Variants in LPCAT3 observed in about 807,000 individuals in gnomAD.
LPCAT3 encodes the protein lysophospholipid acyltransferase 5.
Under a neutral mutation model 63.4 loss-of-function variants are expected in LPCAT3, and 21 were observed. The observed-to-expected ratio is 0.33, with a 90% CI of 0.23 to 0.48. LPCAT3 has a LOEUF of 0.48. Among genes scored for constraint, LPCAT3 ranks in the 20% least tolerant of loss-of-function variants. LPCAT3 has a pLI of 0.99. For synonymous variants in LPCAT3, 242 were observed against 227.5 expected (o/e 1.06, Z -0.58); for missense variants, 451 against 590.6 (o/e 0.76, Z 2.45).
chr12:6,993,345 A>G (rs113783048), intron 1 of LPCAT3, among the ~76,000 whole-genome samples: 10,206 of 151,930 alleles, frequency 0.067, 434 homozygotes, highest in African/African-American at 0.098. Flanking sequence ...GAGGGAGGAG[A>G]ATTGCTTGAA....
chr12:7,012,207 A>G (rs1946768043), intron 1 of LPCAT3, among the ~76,000 whole-genome samples: 1 of 152,232 alleles, frequency 6.6e-6, no homozygotes. Context: ...CCATTTGGCC[A>G]GCTCTAGCTT....
At chr12:7,002,845 C>T (rs1447073493) in intron 1 of LPCAT3, among the ~76,000 whole-genome samples, 4 of 152,090 alleles carry the variant, frequency 2.6e-5, no homozygotes, top group African/African-American at 9.7e-5. Context: ...CCCATCTCTA[C>T]TAAAAATACA....
At chr12:6,978,182 G>T in intron 9 of LPCAT3, 159 bp downstream of exon 9, 1 of 805,742 alleles carries the variant, frequency 1.2e-6, no homozygotes, top group Non-Finnish European at 2.0e-6. Flanking sequence ...GTTTTTTTGG[G>T]AGGGGGGTAT....
At position 6,981,595 on chromosome 12, in the gene LPCAT3, C is replaced by G; in HGVS notation, c.498G>C (p.Gln166His). 1 of 1,614,010 alleles carries G rather than the reference C, an allele frequency of 6.2e-7. No homozygotes were observed. The highest frequency in any genetic ancestry group is 8.5e-7 in the Non-Finnish European group (1 of 1,179,956). Residue 166 changes from glutamine to histidine, a missense_variant and splice_region_variant, in exon 5 of 13, where the codon CAG becomes CAC. Physicochemically the swap from Gln to His is conservative, Grantham distance 24. Coordinates refer to ENST00000261407, the MANE Select transcript of LPCAT3 (RefSeq NM_005768.6). ...AVDYFDGGKD[Q>H]NSLSSEQQKY... ...TCTCTGCCGATGAATGGGTACTTACCTGATCTTTCCCTCCGTCAAAGTAGT... is the reference window on the plus strand; with the variant it reads ...TCTCTGCCGATGAATGGGTACTTACGTGATCTTTCCCTCCGTCAAAGTAGT...
chr12:6,999,517 G>A (rs1190205079), intron 1 of LPCAT3, among the ~76,000 whole-genome samples: 1 of 152,208 alleles, frequency 6.6e-6, no homozygotes, highest in East Asian at 1.9e-4. Flanking sequence ...CTTCACTTAA[G>A]CTGAGTGCTC....
At chr12:6,988,893 G>A (rs1304029527) in intron 1 of LPCAT3, among the ~76,000 whole-genome samples, 13 of 152,244 alleles carry the variant, frequency 8.5e-5, no homozygotes, top group South Asian at 4.1e-4. Context: ...TTGGGAGGCC[G>A]AGGCAGGCGG....
In LPCAT3 at chr12:6,983,563, G is replaced by A; in HGVS notation, c.152-24C>T. ...ACCTAGATGGGGGAAAAGATAAGAAGAGTGTTATTTGTGCCTGGTGCCATC... is the reference window on the plus strand; with the variant it reads ...ACCTAGATGGGGGAAAAGATAAGAAAAGTGTTATTTGTGCCTGGTGCCATC... On this transcript the variant is annotated intron_variant, in intron 1 of 12. Transcript: ENST00000261407. The A allele has an allele frequency of 2.7e-6, 4 of 1,481,844 alleles. No individual in the cohort carries two copies. The South Asian group carries it at 4.5e-5, about 17-fold the overall frequency. 91.8% of individuals were successfully genotyped at this position (1,481,844 alleles called of 1,614,324 possible). A position where few individuals can be genotyped will look rare whatever the true frequency, so the allele number is the denominator to read the frequency against.
At chr12:6,990,782 T>TG (rs2138342736) in intron 1 of LPCAT3, among the ~76,000 whole-genome samples, 1 of 150,906 alleles carries the variant, frequency 6.6e-6, no homozygotes, top group Non-Finnish European at 1.5e-5. Context: ...CCAGACATGG[T>TG]GGCAGGCGCC....
chr12:7,013,684 C>T (rs1946780396), intron 1 of LPCAT3, among the ~76,000 whole-genome samples: 1 of 152,122 alleles, frequency 6.6e-6, no homozygotes, highest in Non-Finnish European at 1.5e-5. Context: ...ATTCCTAGAC[C>T]ATCTCACAGG....
At chr12:6,999,498 C>T (rs1429478578) in intron 1 of LPCAT3, among the ~76,000 whole-genome samples, 2 of 152,202 alleles carry the variant, frequency 1.3e-5, no homozygotes, top group Admixed American at 1.3e-4. Flanking sequence ...TACCAAAATT[C>T]TTTAATTTCT....
At chr12:6,981,677 C>G in intron 4 of LPCAT3, 45 bp from the exon 5 acceptor site, 1 of 1,456,618 alleles carries the variant, frequency 6.9e-7, no homozygotes, top group South Asian at 1.1e-5. Context: ...GGAGAGGACA[C>G]TGAGGATGTG....
intron 3 of LPCAT3, 59 bp downstream of exon 3, chr12:6,982,617 C>A (rs782553501): frequency 1.1e-5 from 14 of 1,297,094 alleles, no homozygotes; most frequent in Non-Finnish European, 1.6e-5. Flanking sequence ...CCCCTGCCTA[C>A]CCCTGTCCCC....
At chr12:6,992,027 A>G (rs1412741827) in intron 1 of LPCAT3, among the ~76,000 whole-genome samples, 1 of 152,160 alleles carries the variant, frequency 6.6e-6, no homozygotes, top group Non-Finnish European at 1.5e-5. Flanking sequence ...CCCCGTCTCT[A>G]CTAAAAATAC....
chr12:6,987,458 A>G lies in LPCAT3; in HGVS notation c.152-3919T>C, dbSNP rs1201117794. On this transcript the variant is annotated intron_variant, in intron 1 of 12. Coordinates refer to ENST00000261407, the MANE Select transcript of LPCAT3 (RefSeq NM_005768.6). This position sits in a 1 kb window ranked among gnomAD's most constrained non-coding sequence, Gnocchi z 4.1. ...TAGGATCAAGTCTCATATATTTCAC[A>G]TGGGCAGAAATTTGGCAGAGACAGA... Among the ~76,000 whole-genome samples, 1 of 152,234 alleles carries G rather than the reference A, an allele frequency of 6.6e-6. No homozygotes were observed. The highest frequency in any genetic ancestry group is 1.9e-4 in the East Asian group (1 of 5,198).
chr12:6,985,606 TCG>T (rs1946516253), intron 1 of LPCAT3, among the ~76,000 whole-genome samples: 1 of 150,822 alleles, frequency 6.6e-6, no homozygotes. Flanking sequence ...TCCCAGCTAC[TCG>T]GGAGGCTGAG....
chr12:7,010,141 A>C (rs1555157105), intron 1 of LPCAT3, among the ~76,000 whole-genome samples: 1 of 152,196 alleles, frequency 6.6e-6, no homozygotes, highest in Non-Finnish European at 1.5e-5. Flanking sequence ...CCTACATAAA[A>C]GGCCTATCAT....
intron 1 of LPCAT3, among the ~76,000 whole-genome samples, chr12:7,006,384 A>G (rs782535002): frequency 6.6e-6 from 1 of 152,066 alleles, no homozygotes; most frequent in Non-Finnish European, 1.5e-5. Flanking sequence ...ACACCCAGTT[A>G]GTTTTTGTAT....
intron 1 of LPCAT3, among the ~76,000 whole-genome samples, chr12:6,993,329 G>T (rs1239325687): frequency 2.0e-5 from 3 of 151,980 alleles, no homozygotes; most frequent in African/African-American, 7.3e-5. Flanking sequence ...AGCTACTCAG[G>T]AGGCTGAGGG....
At chr12:6,986,386 G>T (rs1036966206) in intron 1 of LPCAT3, among the ~76,000 whole-genome samples, 1 of 152,060 alleles carries the variant, frequency 6.6e-6, no homozygotes, top group African/African-American at 2.4e-5. Context: ...TTACTTTATG[G>T]TAAGAAATAC....
Sources: gnomAD v4.1 joint callset for allele counts (sites outside exome capture counted in the v4.1 genomes callset) on GRCh38, gnomAD v4.1.1 for gene constraint, Gnocchi (gnomAD v3.1) non-coding constraint, MANE v1.5 for transcripts, NCBI Gene and HGNC (gene_info 2026-07-23, HGNC 2026-07-21) for gene names.